The following EYA2 variants were observed in gnomAD, a reference collection of about 807,000 sequenced individuals.
The protein encoded by EYA2 is EYA transcriptional coactivator and phosphatase 2.
EYA2 carries 31 observed loss-of-function variants against 69.2 expected under a neutral mutation model. The ratio of observed to expected loss-of-function variants is 0.45; its 90% CI spans 0.34 to 0.60. The LOEUF (loss-of-function observed/expected upper bound fraction) is 0.60. Among genes scored for constraint, EYA2 ranks in the 20% least tolerant of loss-of-function variants. The pLI, the probability that EYA2 is intolerant of heterozygous loss-of-function variation, is 0.02. For missense variants in EYA2, 622 were observed against 701.2 expected (o/e 0.89, Z 1.28); for synonymous variants, 257 against 279.4 (o/e 0.92, Z 0.80).
intron 9 of EYA2, chr20:47,117,640 GAAATAAAAAGAA>G (rs1310081362): frequency 4.5e-5 from 44 of 985,250 alleles, no homozygotes; most frequent in South Asian, 1.9e-4. Flanking sequence ...AAACTGAGAA[GAAATAAAAAGAA>G]AAAGAAAAAG....
At chr20:46,950,591 T>G (rs931384183) in intron 1 of EYA2, among the ~76,000 whole-genome samples, 1 of 152,220 alleles carries the variant, frequency 6.6e-6, no homozygotes, top group Non-Finnish European at 1.5e-5. Flanking sequence ...AATGGAACAT[T>G]AAGCAGGCAC....
Position 47,046,695 on chromosome 20 carries a change from C to T in EYA2, c.416-25490C>T, listed in dbSNP as rs543827585. ...GTCCATTCATCTATTCAAAATGTGT[C>T]GCCAGGTGGCTGCGACCACGAAGGG... is the stretch of plus-strand genomic sequence containing the variant. On this transcript the variant is annotated intron_variant, in intron 5 of 15. Coordinates refer to ENST00000327619, the MANE Select transcript of EYA2 (RefSeq NM_005244.5). Among the ~76,000 whole-genome samples the T allele has an allele frequency of 1.0e-3, 152 of 152,286 alleles. 1 individual carries two copies. The highest frequency in any genetic ancestry group is 3.2e-3 in the African/African-American group (134 of 41,550).
intron 5 of EYA2, among the ~76,000 whole-genome samples, chr20:47,020,990 A>G (rs1241698478): frequency 6.6e-6 from 1 of 152,194 alleles, no homozygotes; most frequent in Non-Finnish European, 1.5e-5. Flanking sequence ...GAGCTCAGTT[A>G]CTTCTCAGTC....
At chr20:47,127,437 C>G (rs1476043004) in intron 9 of EYA2, among the ~76,000 whole-genome samples, 1 of 152,162 alleles carries the variant, frequency 6.6e-6, no homozygotes, top group African/African-American at 2.4e-5. Flanking sequence ...AATCCCATCT[C>G]TACTAAAAAT....
intron 9 of EYA2, among the ~76,000 whole-genome samples, chr20:47,114,082 T>C (rs2032825861): frequency 6.6e-6 from 1 of 152,168 alleles, no homozygotes; most frequent in East Asian, 1.9e-4. Flanking sequence ...TGGGCAGAAC[T>C]CACAGGCAGC....
At chr20:47,048,995 T>C (rs1303158049) in intron 5 of EYA2, among the ~76,000 whole-genome samples, 3 of 152,220 alleles carry the variant, frequency 2.0e-5, no homozygotes, top group Non-Finnish European at 4.4e-5. Context: ...GTTCTCACAA[T>C]GGCCCTGGAA....
intron 1 of EYA2, among the ~76,000 whole-genome samples, chr20:46,925,139 C>T (rs1393446517): frequency 6.6e-6 from 1 of 152,160 alleles, no homozygotes; most frequent in African/African-American, 2.4e-5. Context: ...TATAAGGACA[C>T]CAGTCACATT....
At chr20:47,123,274 G>A (rs6063074) in intron 9 of EYA2, among the ~76,000 whole-genome samples, 65,132 of 151,866 alleles carry the variant, frequency 0.43, 15,559 homozygotes, top group East Asian at 0.68. Flanking sequence ...ATCCACCATC[G>A]CAAACATTTC....
chr20:47,034,510 AG>A (rs1219871947), intron 5 of EYA2, among the ~76,000 whole-genome samples: 1 of 152,172 alleles, frequency 6.6e-6, no homozygotes, highest in Non-Finnish European at 1.5e-5. Context: ...AGGCTTAGAG[AG>A]GGGATGTGCT....
chr20:47,079,113 C>A (rs1212585756), intron 7 of EYA2, among the ~76,000 whole-genome samples: 2 of 152,122 alleles, frequency 1.3e-5, no homozygotes, highest in Non-Finnish European at 1.5e-5. Flanking sequence ...CCCCTTTATC[C>A]TTTTCAATTT....
At chr20:47,100,499 G>C (rs1351247006) in intron 9 of EYA2, among the ~76,000 whole-genome samples, 1 of 152,200 alleles carries the variant, frequency 6.6e-6, no homozygotes, top group Non-Finnish European at 1.5e-5. Flanking sequence ...CAGAATCATA[G>C]AAGATTAGAG....
chr20:46,982,892 G>A (rs1980931867), intron 1 of EYA2, among the ~76,000 whole-genome samples: 2 of 151,294 alleles, frequency 1.3e-5, no homozygotes, highest in African/African-American at 4.9e-5. Context: ...TCCTGCCTCA[G>A]CCTGCCAAGT....
chr20:47,130,256 A>ATTTTTTTTTTTTT (rs1392782309), intron 9 of EYA2, among the ~76,000 whole-genome samples: 3 of 69,778 alleles, frequency 4.3e-5, no homozygotes, highest in African/African-American at 1.5e-4. Flanking sequence ...AAGAAGGTTT[A>ATTTTTTTTTTTTT]TTTTCTTTTT....
chr20:47,016,415 T>G, intron 5 of EYA2, 118 bp downstream of exon 5: 1 of 743,728 alleles, frequency 1.3e-6, no homozygotes, highest in Non-Finnish European at 2.4e-6. Context: ...AGGCTCTATC[T>G]CGAGGAGTGG....
chr20:46,915,400 T>A (rs1984857293), intron 1 of EYA2, among the ~76,000 whole-genome samples: 1 of 152,204 alleles, frequency 6.6e-6, no homozygotes, highest in South Asian at 2.1e-4. Context: ...TTAGTGCTTT[T>A]CAGAGAGGCC....
chr20:46,986,083 A>G (rs1981161255), intron 1 of EYA2, among the ~76,000 whole-genome samples: 1 of 152,040 alleles, frequency 6.6e-6, no homozygotes, highest in Non-Finnish European at 1.5e-5. Context: ...GTAGCCAGAT[A>G]AAAGATACAA....
intron 7 of EYA2, among the ~76,000 whole-genome samples, chr20:47,084,450 A>G (rs920357020): frequency 6.6e-6 from 1 of 152,136 alleles, no homozygotes; most frequent in Non-Finnish European, 1.5e-5. Flanking sequence ...CTGAGGCAGG[A>G]GGATCGTGTG....
At chr20:46,910,450 G>C (rs539659681) in intron 1 of EYA2, among the ~76,000 whole-genome samples, 2 of 152,262 alleles carry the variant, frequency 1.3e-5, no homozygotes, top group Non-Finnish European at 2.9e-5. Context: ...TGAGACTTGG[G>C]TGTGGACACG....
chr20:46,927,503 G>A (rs1288280249), intron 1 of EYA2, among the ~76,000 whole-genome samples: 1 of 151,368 alleles, frequency 6.6e-6, no homozygotes, highest in Non-Finnish European at 1.5e-5. Flanking sequence ...CCATGTGACT[G>A]GGGAGGCCTC....
Sources: allele counts gnomAD v4.1 joint callset (sites outside exome capture counted in the v4.1 genomes callset), GRCh38; gene constraint gnomAD v4.1.1; transcripts MANE v1.5; gene names NCBI Gene and HGNC (gene_info 2026-07-23, HGNC 2026-07-21).